The following JAK1 variants were observed in gnomAD, a reference collection of about 807,000 sequenced individuals.
JAK1 encodes the protein tyrosine-protein kinase JAK1.
In JAK1, 16 loss-of-function variants were observed where a neutral mutation model predicts 136.6. The ratio of observed to expected loss-of-function variants is 0.12; its 90% CI spans 0.08 to 0.18. The LOEUF is 0.18. Ranked by LOEUF, JAK1 falls within the 10% of genes least tolerant of loss-of-function variation. The probability of loss-of-function intolerance (pLI) is 1.00; values close to 1 mark genes in which losing one functional copy is unlikely to be tolerated. For missense variants in JAK1, 859 were observed against 1,450.1 expected (o/e 0.59, Z 6.62); for synonymous variants, 492 against 519.5 (o/e 0.95, Z 0.72).
At chr1:64,950,247 A>T (rs1646059752) in intron 1 of JAK1, among the ~76,000 whole-genome samples, 1 of 152,064 alleles carries the variant, frequency 6.6e-6, no homozygotes, top group Non-Finnish European at 1.5e-5. Context: ...GTCTCTACTA[A>T]AGATACAAAA....
At chr1:64,942,416 T>C (rs1176531646) in intron 1 of JAK1, 1 of 152,190 alleles carries the variant, frequency 6.6e-6, no homozygotes, top group East Asian at 1.9e-4. Context: ...ATAAACATGA[T>C]AACTGATCAG....
intron 1 of JAK1, among the ~76,000 whole-genome samples, chr1:64,950,044 A>G (rs533118928): frequency 1.3e-5 from 2 of 152,272 alleles, no homozygotes; most frequent in Non-Finnish European, 2.9e-5. Flanking sequence ...AATACAGTAC[A>G]TATTTATACA....
At chr1:64,934,860 C>G (rs2100474282) in intron 1 of JAK1, among the ~76,000 whole-genome samples, 1 of 152,340 alleles carries the variant, frequency 6.6e-6, no homozygotes, top group African/African-American at 2.4e-5. Flanking sequence ...TTGTATTTCT[C>G]ACAGTCAGTG....
intron 2 of JAK1, chr1:64,991,155 C>G (rs1364967511): frequency 2.0e-5 from 3 of 151,846 alleles, no homozygotes; most frequent in East Asian, 1.9e-4. Flanking sequence ...GAAAAGGAAC[C>G]AAACAGAAGT....
intron 1 of JAK1, among the ~76,000 whole-genome samples, chr1:64,916,679 A>T (rs1238816981): frequency 6.6e-6 from 1 of 152,048 alleles, no homozygotes; most frequent in African/African-American, 2.4e-5. Flanking sequence ...CTCTGCTAAA[A>T]ATACAAAAAT....
At chr1:64,973,837 AT>A (rs1485806141) in intron 2 of JAK1, 1 of 152,132 alleles carries the variant, frequency 6.6e-6, no homozygotes, top group African/African-American at 2.4e-5. Context: ...GCTGTCTAAA[AT>A]ACTTATTCAT....
chr1:65,062,018 T>C (rs2100892326), intron 1 of JAK1, among the ~76,000 whole-genome samples: 1 of 152,228 alleles, frequency 6.6e-6, no homozygotes, highest in East Asian at 1.9e-4. Context: ...TCTCATGCTA[T>C]GTAACTTTAT....
chr1:64,877,424 C>G (rs1400236871), intron 4 of JAK1, among the ~76,000 whole-genome samples: 2 of 151,988 alleles, frequency 1.3e-5, no homozygotes, highest in African/African-American at 2.4e-5. Context: ...AAAAGTGAAG[C>G]AACCCTGCAC....
chr1:64,869,243 A>G lies in JAK1; in HGVS notation c.647+68T>C, dbSNP rs1300890584. ...CAAACCCTGGCAGTAATTAAGCTGA[A>G]ATGTGTAAGAACATGTAGAAACACC... On this transcript the variant is annotated intron_variant, in intron 6 of 24. Coordinates refer to ENST00000342505, the MANE Select transcript of JAK1 (RefSeq NM_002227.4). The G allele has an allele frequency of 2.7e-6, 4 of 1,461,532 alleles. No individual in the cohort carries two copies. The African/African-American group carries it at 5.6e-5, about 20-fold the overall frequency. The allele number at this position is 1,461,532 out of a possible 1,614,324, so 90.5% of individuals were successfully genotyped here.
chr1:64,976,500 C>G (rs1443616181), intron 2 of JAK1, among the ~76,000 whole-genome samples: 1 of 152,146 alleles, frequency 6.6e-6, no homozygotes, highest in African/African-American at 2.4e-5. Context: ...TTACACACTT[C>G]CAATTGGTCT....
At chr1:64,929,033 T>C (rs1645642712) in intron 1 of JAK1, among the ~76,000 whole-genome samples, 1 of 152,196 alleles carries the variant, frequency 6.6e-6, no homozygotes, top group African/African-American at 2.4e-5. Context: ...TGAAGGAAAC[T>C]GGAATTATCT....
intron 1 of JAK1, among the ~76,000 whole-genome samples, chr1:65,051,131 ATGCTATTAGACTAG>A (rs1348994693): frequency 6.6e-6 from 1 of 152,104 alleles, no homozygotes; most frequent in Non-Finnish European, 1.5e-5. Flanking sequence ...AGCAAATTTT[ATGCTATTAGACTAG>A]TGCTATTAGA....
At chr1:64,893,699 T>G (rs1644972488) in intron 1 of JAK1, among the ~76,000 whole-genome samples, 1 of 152,148 alleles carries the variant, frequency 6.6e-6, no homozygotes, top group Admixed American at 6.5e-5. Context: ...AGCTTAAAAC[T>G]GAAAAAAGAA....
intron 2 of JAK1, among the ~76,000 whole-genome samples, chr1:65,000,669 T>C (rs1646747271): frequency 6.6e-6 from 1 of 152,152 alleles, no homozygotes; most frequent in Admixed American, 6.6e-5. Context: ...TCCATGATAT[T>C]TGATTCAAAG....
chr1:64,863,595 A>G (rs1325735257), intron 8 of JAK1, among the ~76,000 whole-genome samples: 1 of 152,220 alleles, frequency 6.6e-6, no homozygotes, highest in East Asian at 1.9e-4. Context: ...GCCACCATAA[A>G]TAAGTAGCTG....
At chr1:64,951,806 C>T (rs1369955802) in intron 1 of JAK1, among the ~76,000 whole-genome samples, 1 of 151,978 alleles carries the variant, frequency 6.6e-6, no homozygotes, top group African/African-American at 2.4e-5. Context: ...CTACAGGCGC[C>T]CGCCACCACG....
chr1:64,878,547 TA>T (rs1644711864), intron 4 of JAK1, among the ~76,000 whole-genome samples: 1 of 59,524 alleles, frequency 1.7e-5, no homozygotes, highest in South Asian at 4.2e-4. Context: ...TCATGACCTT[TA>T]TATATATAGT....
chr1:64,936,976 CA>C (rs1557706699), intron 1 of JAK1, among the ~76,000 whole-genome samples: 2 of 148,568 alleles, frequency 1.3e-5, no homozygotes, highest in Non-Finnish European at 1.5e-5. Context: ...AGTGCATTTA[CA>C]ATCATCCTAA....
intron 13 of JAK1, among the ~76,000 whole-genome samples, chr1:64,847,271 C>A (rs1655294917): frequency 6.6e-6 from 1 of 152,122 alleles, no homozygotes; most frequent in African/African-American, 2.4e-5. Flanking sequence ...AGCACAGCCA[C>A]CTGGACCTGT....
Sources: gnomAD v4.1 joint callset for allele counts (sites outside exome capture counted in the v4.1 genomes callset) on GRCh38, gnomAD v4.1.1 for gene constraint, MANE v1.5 for transcripts, NCBI Gene and HGNC (gene_info 2026-07-23, HGNC 2026-07-21) for gene names.